Variants in MVB12B observed in about 807,000 individuals in gnomAD.
MVB12B encodes the protein multivesicular body subunit 12B.
MVB12B carries 16 observed loss-of-function variants against 41.6 expected under a neutral mutation model. The ratio of observed to expected loss-of-function variants is 0.38; its 90% CI spans 0.26 to 0.58. The LOEUF is 0.58. Among genes scored for constraint, MVB12B ranks in the 20% least tolerant of loss-of-function variants. The pLI is 0.62. For missense variants in MVB12B, 274 were observed against 380.2 expected (o/e 0.72, Z 2.32); for synonymous variants, 133 against 139.7 (o/e 0.95, Z 0.34).
At chr9:126,454,663 A>G (rs1270985059) in intron 7 of MVB12B, among the ~76,000 whole-genome samples, 4 of 152,216 alleles carry the variant, frequency 2.6e-5, no homozygotes, top group South Asian at 4.1e-4. Context: ...ACCCAACTAA[A>G]TAAGTGAGAT....
At chr9:126,439,334 G>C (rs934594179) in intron 7 of MVB12B, among the ~76,000 whole-genome samples, 1 of 152,182 alleles carries the variant, frequency 6.6e-6, no homozygotes, top group African/African-American at 2.4e-5. Context: ...TGGGCGCAGG[G>C]TGAGAGTTGC....
chr9:126,414,963 CAA>C (rs1263678140), intron 6 of MVB12B, among the ~76,000 whole-genome samples: 1 of 152,112 alleles, frequency 6.6e-6, no homozygotes, highest in Non-Finnish European at 1.5e-5. Context: ...CTCCTGGGTT[CAA>C]GTGACCCACT....
At chr9:126,483,860 A>G (rs1564347558) in intron 8 of MVB12B, 113 bp from the exon 9 acceptor site, 5 of 1,094,264 alleles carry the variant, frequency 4.6e-6, no homozygotes, top group African/African-American at 1.5e-5. Flanking sequence ...AAGTGGGTAG[A>G]GAAACGCTAG....
At chr9:126,408,865 T>C (rs1328667592) in intron 6 of MVB12B, among the ~76,000 whole-genome samples, 1 of 152,220 alleles carries the variant, frequency 6.6e-6, no homozygotes, top group African/African-American at 2.4e-5. Context: ...TTCTAAATGC[T>C]ATCATTGAGC....
At chr9:126,417,001 G>A (rs1236711502) in intron 6 of MVB12B, among the ~76,000 whole-genome samples, 1 of 152,182 alleles carries the variant, frequency 6.6e-6, no homozygotes, top group Non-Finnish European at 1.5e-5. Context: ...TCTGTCCCTG[G>A]GGCCCAAACT....
chr9:126,484,222 TTCCTAC>T (rs1833587743), intron 9 of MVB12B, among the ~76,000 whole-genome samples, 190 bp downstream of exon 9: 3 of 152,242 alleles, frequency 2.0e-5, no homozygotes, highest in Non-Finnish European at 4.4e-5. Context: ...TCTAATGTAT[TTCCTAC>T]TTCCAGTCAA....
At chr9:126,484,389 T>C (rs1833590321) in intron 9 of MVB12B, among the ~76,000 whole-genome samples, 1 of 152,244 alleles carries the variant, frequency 6.6e-6, no homozygotes, top group African/African-American at 2.4e-5. Flanking sequence ...ATTTGTTTTG[T>C]TTTATTATTT....
intron 2 of MVB12B, among the ~76,000 whole-genome samples, chr9:126,374,929 T>TA (rs1381822653): frequency 2.0e-5 from 3 of 152,216 alleles, no homozygotes; most frequent in African/African-American, 4.8e-5. Context: ...GTGCACAGTT[T>TA]AAAAAATCAG....
Position 126,340,749 on chromosome 9 carries a change from T to C in MVB12B, c.204+119T>C. On this transcript the variant is annotated intron_variant, in intron 2 of 9. Transcript: ENST00000361171. The surrounding 1 kb of genome is among the most constrained non-coding windows in gnomAD (Gnocchi z 4.0). ...GTGCTTCTTCCCTCTAGGAACTTAATCCAGGGAGGGCGTGGAGAGCATCCT... is the reference window on the plus strand; with the variant it reads ...GTGCTTCTTCCCTCTAGGAACTTAACCCAGGGAGGGCGTGGAGAGCATCCT... The C allele has an allele frequency of 7.9e-7, 1 of 1,261,894 alleles. No homozygotes were observed. Among genetic ancestry groups the C allele is most frequent in the Non-Finnish European group, 1.1e-6 (1 of 908,846 alleles). 78.2% of individuals were successfully genotyped at this position (1,261,894 alleles called of 1,614,324 possible). A position where few individuals can be genotyped will look rare whatever the true frequency, so the allele number is the denominator to read the frequency against.
chr9:126,430,060 C>T (rs1028637213), intron 7 of MVB12B, among the ~76,000 whole-genome samples: 2 of 152,208 alleles, frequency 1.3e-5, no homozygotes, highest in Non-Finnish European at 2.9e-5. Context: ...TGCAGTCTGG[C>T]AGGTATCAGG....
At chr9:126,403,337 G>A (rs1267005877) in intron 6 of MVB12B, among the ~76,000 whole-genome samples, 1 of 152,154 alleles carries the variant, frequency 6.6e-6, no homozygotes, top group Non-Finnish European at 1.5e-5. Flanking sequence ...CTTCCCTCCT[G>A]GAAGAGTTAG....
intron 7 of MVB12B, among the ~76,000 whole-genome samples, chr9:126,470,926 CACTA>C (rs1833303501): frequency 6.6e-6 from 1 of 152,176 alleles, no homozygotes; most frequent in Non-Finnish European, 1.5e-5. Flanking sequence ...GCAGTAATAA[CACTA>C]ACACTAATAC....
intron 6 of MVB12B, among the ~76,000 whole-genome samples, chr9:126,403,992 C>A (rs901868294): frequency 2.2e-5 from 3 of 135,734 alleles, no homozygotes; most frequent in Non-Finnish European, 4.6e-5. Context: ...GTCTCACTGT[C>A]GCCCAGGCTG....
chr9:126,461,733 A>AGGCGTGGAGGTGGGAGCCTG (rs1283020626), intron 7 of MVB12B, among the ~76,000 whole-genome samples: 2 of 151,854 alleles, frequency 1.3e-5, no homozygotes, highest in Non-Finnish European at 2.9e-5. Flanking sequence ...AAGGGAACCC[A>AGGCGTGGAGGTGGGAGCCTG]GGCGTGGAGG....
At position 126,499,501 on chromosome 9, in the gene MVB12B, T is replaced by A. The variant is rs192305075; in HGVS notation, c.874-3676T>A. Among the ~76,000 whole-genome samples, 22 of 152,308 alleles carry A rather than the reference T, an allele frequency of 1.4e-4. No homozygotes were observed. The East Asian group carries it at 4.3e-3, about 30-fold the overall frequency. On this transcript the variant is annotated intron_variant, in intron 9 of 9. Coordinates refer to ENST00000361171, the MANE Select transcript of MVB12B (RefSeq NM_033446.3). ...GTTTTCCTTATGCAGGAGACTAATG[T>A]CTTGAGTAAACAGATCCGGGTCCAA...
At chr9:126,481,845 C>T (rs1176626697) in intron 8 of MVB12B, among the ~76,000 whole-genome samples, 1 of 152,238 alleles carries the variant, frequency 6.6e-6, no homozygotes, top group African/African-American at 2.4e-5. Flanking sequence ...AAGTTTTGTT[C>T]TTTCTTACTT....
At chr9:126,358,204 T>A (rs1020617450) in intron 2 of MVB12B, among the ~76,000 whole-genome samples, 5 of 152,182 alleles carry the variant, frequency 3.3e-5, no homozygotes, top group Non-Finnish European at 5.9e-5. Context: ...ACCCATACTC[T>A]TTGATTACTG....
chr9:126,481,104 C>T (rs2277159), intron 7 of MVB12B: 213,415 of 478,944 alleles, frequency 0.45, 49,445 homozygotes, highest in East Asian at 0.7. Context: ...CTGGACCAGC[C>T]GCTCTCTGCT....
At position 126,376,981 on chromosome 9, in the gene MVB12B, G is replaced by T. The variant is rs1020483623; in HGVS notation, c.205-4083G>T. On this transcript the variant is annotated intron_variant, in intron 2 of 9. Transcript: ENST00000361171. This position sits in a 1 kb window ranked among gnomAD's most constrained non-coding sequence, Gnocchi z 4.1. ...CTCTGCTCAGTATCGGCTGCCACGG[G>T]CCCCTTAGGTCACAACCCGCCCCCT... 7.3e-5 allele frequency among the ~76,000 whole-genome samples: 11 copies of T among 151,716 alleles called. No homozygotes were observed. Among genetic ancestry groups the T allele is most frequent in the African/African-American group, 2.4e-4 (10 of 41,278 alleles).
Sources: gnomAD v4.1 joint callset for allele counts (sites outside exome capture counted in the v4.1 genomes callset) on GRCh38, gnomAD v4.1.1 for gene constraint, Gnocchi (gnomAD v3.1) non-coding constraint, MANE v1.5 for transcripts, NCBI Gene and HGNC (gene_info 2026-07-23, HGNC 2026-07-21) for gene names.